Variants in ITPK1 observed in about 807,000 individuals in gnomAD.
The protein encoded by ITPK1 is inositol-tetrakisphosphate 1-kinase.
In ITPK1, 21 loss-of-function variants were observed where a neutral mutation model predicts 45.3. The observed-to-expected ratio is 0.46, with a 90% confidence interval of 0.33 to 0.67. The LOEUF (loss-of-function observed/expected upper bound fraction) is 0.67. Ranked by LOEUF, ITPK1 falls within the 30% of genes least tolerant of loss-of-function variation. ITPK1 has a pLI of 0.02. For synonymous variants in ITPK1, 258 were observed against 253.6 expected (o/e 1.02, Z -0.16); for missense variants, 474 against 573.5 (o/e 0.83, Z 1.77).
intron 3 of ITPK1, among the ~76,000 whole-genome samples, chr14:93,049,407 G>A (rs1268708052): frequency 6.6e-6 from 1 of 152,184 alleles, no homozygotes; most frequent in Non-Finnish European, 1.5e-5. Flanking sequence ...CATCTGGCTG[G>A]AGTAGGTCGG....
intron 3 of ITPK1, among the ~76,000 whole-genome samples, chr14:93,025,276 G>A (rs1670327412): frequency 1.3e-5 from 2 of 152,326 alleles, no homozygotes; most frequent in East Asian, 3.9e-4. Flanking sequence ...GGCTGTGGGG[G>A]CAAGCAGACA....
chr14:93,002,421 G>A (rs1474326669), intron 4 of ITPK1, among the ~76,000 whole-genome samples: 1 of 152,234 alleles, frequency 6.6e-6, no homozygotes, highest in Admixed American at 6.5e-5. Flanking sequence ...TGCGAGCAGT[G>A]GCCAAGATGG....
At chr14:92,980,900 G>C (rs1473955503) in intron 5 of ITPK1, among the ~76,000 whole-genome samples, 1 of 152,292 alleles carries the variant, frequency 6.6e-6, no homozygotes, top group Admixed American at 6.5e-5. Context: ...TAGAAACAAG[G>C]TTTCACTATA....
intron 8 of ITPK1, among the ~76,000 whole-genome samples, chr14:92,957,545 G>A (rs1884803122): frequency 6.6e-6 from 1 of 152,212 alleles, no homozygotes; most frequent in Admixed American, 6.5e-5. Flanking sequence ...TGCTCCCTGG[G>A]AGGCTGCTTC....
chr14:93,015,854 T>C (rs930121441), intron 4 of ITPK1, among the ~76,000 whole-genome samples: 22 of 152,034 alleles, frequency 1.4e-4, no homozygotes, highest in African/African-American at 5.3e-4. Flanking sequence ...AGGAGGCGGG[T>C]AAGATTCCCT....
intron 2 of ITPK1, among the ~76,000 whole-genome samples, chr14:93,105,205 G>C (rs1892473312): frequency 6.6e-6 from 1 of 152,176 alleles, no homozygotes; most frequent in African/African-American, 2.4e-5. Flanking sequence ...GATTCCCACA[G>C]TGAGCTCAGG....
At chr14:92,951,326 G>C (rs1470522186) in intron 9 of ITPK1, among the ~76,000 whole-genome samples, 1 of 152,220 alleles carries the variant, frequency 6.6e-6, no homozygotes, top group Non-Finnish European at 1.5e-5. Context: ...TTTGGAGTCA[G>C]ACAGATCTGG....
intron 6 of ITPK1, among the ~76,000 whole-genome samples, 157 bp downstream of exon 6, chr14:92,962,594 C>T (rs1215821867): frequency 1.3e-5 from 2 of 152,134 alleles, no homozygotes; most frequent in Admixed American, 1.3e-4. Context: ...TACCAGGACC[C>T]GTTTCTATGG....
intron 5 of ITPK1, among the ~76,000 whole-genome samples, chr14:92,985,756 T>G (rs1886458254): frequency 6.6e-6 from 1 of 151,928 alleles, no homozygotes; most frequent in Admixed American, 6.6e-5. Context: ...TAAATGCAAG[T>G]TGAGAAACAC....
chr14:93,052,406 T>C (rs945858533), intron 3 of ITPK1, among the ~76,000 whole-genome samples: 1 of 152,194 alleles, frequency 6.6e-6, no homozygotes, highest in Non-Finnish European at 1.5e-5. Flanking sequence ...GGGCGGCCTG[T>C]TGTCTGAAGA....
At chr14:93,107,818 C>T (rs913615512) in intron 2 of ITPK1, among the ~76,000 whole-genome samples, 4 of 152,226 alleles carry the variant, frequency 2.6e-5, no homozygotes, top group African/African-American at 9.6e-5. Context: ...CAGAAACCAG[C>T]CCATGAGGCT....
intron 5 of ITPK1, among the ~76,000 whole-genome samples, chr14:92,991,014 G>C (rs148280488): frequency 6.6e-6 from 1 of 151,276 alleles, no homozygotes; most frequent in Non-Finnish European, 1.5e-5. Flanking sequence ...CGGGGCAGGG[G>C]GGGTGACAAC....
At chr14:93,113,566 C>T (rs1248837491) in intron 2 of ITPK1, among the ~76,000 whole-genome samples, 2 of 152,230 alleles carry the variant, frequency 1.3e-5, no homozygotes, top group African/African-American at 2.4e-5. Context: ...GCCAAAGCAG[C>T]TGCTCCAAAT....
In ITPK1 at chr14:92,937,954, AGTTTGTTT is replaced by A. The variant is rs149828423; in HGVS notation, c.*3599_*3606del. On this transcript the variant is annotated 3_prime_UTR_variant, in exon 11 of 11. Coordinates refer to ENST00000267615, the MANE Select transcript of ITPK1 (RefSeq NM_014216.6). ...GGGATCCCACCGGGTGAATGATCAG[AGTTTGTTT>A]GTTTGTTTGTTTGTTTTTTGAGGAG... 0.054 allele frequency: 8,415 copies of A among 156,678 alleles called. 287 individuals are homozygous for A. The highest frequency in any genetic ancestry group is 0.11 in the Middle Eastern group (34 of 312). 9.7% of individuals were successfully genotyped at this position (156,678 alleles called of 1,614,324 possible). A position where few individuals can be genotyped will look rare whatever the true frequency, so the allele number is the denominator to read the frequency against.
chr14:92,945,130 C>T (rs186941584), intron 10 of ITPK1, among the ~76,000 whole-genome samples: 14 of 152,248 alleles, frequency 9.2e-5, no homozygotes, highest in African/African-American at 3.4e-4. Flanking sequence ...GGTGAGCTCT[C>T]CCCAGGCAGG....
At chr14:92,952,342 C>T (rs906360636) in intron 8 of ITPK1, among the ~76,000 whole-genome samples, 9 of 152,174 alleles carry the variant, frequency 5.9e-5, no homozygotes, top group African/African-American at 1.7e-4. Context: ...GAAAAGGGCT[C>T]GGTGGGACAG....
chr14:93,014,977 C>G lies in ITPK1; in HGVS notation c.246+1699G>C, dbSNP rs1888102213. On this transcript the variant is annotated intron_variant, in intron 4 of 10. Transcript: ENST00000267615. The surrounding 1 kb of genome is among the most constrained non-coding windows in gnomAD (Gnocchi z 4.4). Reference sequence around the variant, plus strand: ...GCGTGGCAGCCCAGGCATGGCTGTGCTCCTCCAGAGAATAAGCCCCAAGGG... The same window carrying G: ...GCGTGGCAGCCCAGGCATGGCTGTGGTCCTCCAGAGAATAAGCCCCAAGGG... 6.6e-6 allele frequency among the ~76,000 whole-genome samples: 1 copy of G among 152,240 alleles called. No individual in the cohort carries two copies. Among genetic ancestry groups the G allele is most frequent in the African/African-American group, 2.4e-5 (1 of 41,464 alleles).
chr14:93,042,754 A>C (rs1889610235), intron 3 of ITPK1, among the ~76,000 whole-genome samples: 1 of 152,188 alleles, frequency 6.6e-6, no homozygotes, highest in Non-Finnish European at 1.5e-5. Context: ...GCGGTGGCTC[A>C]CACCTGTAAT....
rs1372962800 is a variant in ITPK1 at position 93,036,786 on chromosome 14, C to T, written c.121-19985G>A. ...AGAACTTGGAAATGCCAAGAAAAATCCCCCCAGAGCAGAGCAGAGAAGGGC... is the reference window on the plus strand; with the variant it reads ...AGAACTTGGAAATGCCAAGAAAAATTCCCCCAGAGCAGAGCAGAGAAGGGC... On this transcript the variant is annotated intron_variant, in intron 3 of 10. Coordinates refer to ENST00000267615, the MANE Select transcript of ITPK1 (RefSeq NM_014216.6). This position sits in a 1 kb window ranked among gnomAD's most constrained non-coding sequence, Gnocchi z 4.1. The T allele has an allele frequency of 6.6e-6, 1 of 152,290 alleles. No homozygotes were observed. Among genetic ancestry groups the T allele is most frequent in the African/African-American group, 2.4e-5 (1 of 41,428 alleles). 9.4% of individuals were successfully genotyped at this position (152,290 alleles called of 1,614,324 possible).
Sources: gnomAD v4.1 joint callset for allele counts (sites outside exome capture counted in the v4.1 genomes callset) on GRCh38, gnomAD v4.1.1 for gene constraint, Gnocchi (gnomAD v3.1) non-coding constraint, MANE v1.5 for transcripts, NCBI Gene and HGNC (gene_info 2026-07-23, HGNC 2026-07-21) for gene names.